Variants in HIBADH observed in about 807,000 individuals in gnomAD.
The protein encoded by HIBADH is 3-hydroxyisobutyrate dehydrogenase, mitochondrial.
HIBADH carries 25 observed loss-of-function variants against 36.1 expected under a neutral mutation model. The observed-to-expected ratio is 0.69, with a 90% confidence interval of 0.50 to 0.97. The LOEUF (loss-of-function observed/expected upper bound fraction) is 0.97, where lower values mean the gene tolerates loss of function less well. Among genes scored for constraint, HIBADH ranks in the 50% least tolerant of loss-of-function variants. The pLI, the probability that HIBADH is intolerant of heterozygous loss-of-function variation, is 0.00. For synonymous variants in HIBADH, 160 were observed against 149.5 expected (o/e 1.07, Z -0.51); for missense variants, 421 against 418.0 (o/e 1.01, Z -0.06).
chr7:27,532,895 G>T (rs1053202918), intron 6 of HIBADH, among the ~76,000 whole-genome samples: 4 of 152,182 alleles, frequency 2.6e-5, no homozygotes, highest in Non-Finnish European at 5.9e-5. Context: ...AAAAGATAAA[G>T]CCAGTGTGCT....
chr7:27,536,328 AATT>A (rs1784069574), intron 6 of HIBADH, among the ~76,000 whole-genome samples: 1 of 152,072 alleles, frequency 6.6e-6, no homozygotes, highest in Non-Finnish European at 1.5e-5. Flanking sequence ...GAAACTTATA[AATT>A]ATTTTTAACA....
At chr7:27,654,405 G>A (rs1786256222) in intron 1 of HIBADH, among the ~76,000 whole-genome samples, 1 of 151,844 alleles carries the variant, frequency 6.6e-6, no homozygotes, top group Admixed American at 6.6e-5. Flanking sequence ...CCCAATACAA[G>A]AAACATGAAG....
At chr7:27,580,796 C>A (rs1524529) in intron 4 of HIBADH, among the ~76,000 whole-genome samples, 13 of 152,038 alleles carry the variant, frequency 8.6e-5, no homozygotes, top group South Asian at 2.1e-4. Context: ...TCTCAACTAC[C>A]TATTAAGGAA....
intron 4 of HIBADH, among the ~76,000 whole-genome samples, chr7:27,548,484 T>C (rs1310536502): frequency 6.6e-6 from 1 of 152,138 alleles, no homozygotes; most frequent in Non-Finnish European, 1.5e-5. Context: ...TTAGAGGGCA[T>C]ACAGTTGTAC....
chr7:27,566,040 C>G (rs1472335654), intron 4 of HIBADH, among the ~76,000 whole-genome samples: 1 of 151,970 alleles, frequency 6.6e-6, no homozygotes, highest in Admixed American at 6.6e-5. Context: ...CTGTATTGTT[C>G]TTTTTATGTA....
At chr7:27,553,952 G>C (rs757302477) in intron 4 of HIBADH, among the ~76,000 whole-genome samples, 1 of 152,124 alleles carries the variant, frequency 6.6e-6, no homozygotes, top group Non-Finnish European at 1.5e-5. Flanking sequence ...GCATTCAAGC[G>C]ATTCTCCTGC....
At chr7:27,599,344 C>T (rs77412787) in intron 4 of HIBADH, among the ~76,000 whole-genome samples, 20,972 of 152,020 alleles carry the variant, frequency 0.14, 1,712 homozygotes, top group Middle Eastern at 0.19. Flanking sequence ...ATTTCCCTTC[C>T]CAAACTTTGT....
chr7:27,560,581 TC>T (rs1332074507), intron 4 of HIBADH, among the ~76,000 whole-genome samples: 1 of 152,224 alleles, frequency 6.6e-6, no homozygotes, highest in East Asian at 1.9e-4. Context: ...CGTTGTTTCT[TC>T]TTTTATTGTT....
intron 4 of HIBADH, among the ~76,000 whole-genome samples, chr7:27,601,072 T>G (rs6651068): frequency 6.6e-6 from 1 of 152,142 alleles, no homozygotes; most frequent in Non-Finnish European, 1.5e-5. Flanking sequence ...AACATCAGAT[T>G]TTCTTACAGC....
chr7:27,571,769 T>C (rs561387960), intron 4 of HIBADH, among the ~76,000 whole-genome samples: 119 of 152,302 alleles, frequency 7.8e-4, no homozygotes, highest in African/African-American at 2.7e-3. Context: ...TATTCTTCTA[T>C]GGATGACAAG....
At chr7:27,616,871 C>T (rs1471650336) in intron 4 of HIBADH, among the ~76,000 whole-genome samples, 1 of 151,976 alleles carries the variant, frequency 6.6e-6, no homozygotes, top group Admixed American at 6.6e-5. Flanking sequence ...TATTTTTGTA[C>T]AGCTGTATAA....
rs188668552 is a variant in HIBADH, at chr7:27,568,673, G to C, written c.485-25573C>G. Among the ~76,000 whole-genome samples the C allele has an allele frequency of 5.3e-5, 8 of 152,096 alleles. No individual in the cohort carries two copies. The East Asian group carries it at 1.5e-3, about 29-fold the overall frequency. On this transcript the variant is annotated intron_variant, in intron 4 of 7. Coordinates refer to ENST00000265395, the MANE Select transcript of HIBADH (RefSeq NM_152740.4). Reference sequence around the variant, plus strand: ...TTTAATAGTGACAGGGTTTCACCACGTTGGCCAGGCTGGTCTCAAACTCCT... The same window carrying C: ...TTTAATAGTGACAGGGTTTCACCACCTTGGCCAGGCTGGTCTCAAACTCCT...
intron 1 of HIBADH, among the ~76,000 whole-genome samples, chr7:27,653,935 A>G (rs958596587): frequency 6.6e-6 from 1 of 152,212 alleles, no homozygotes; most frequent in African/African-American, 2.4e-5. Context: ...TCAAAAGTCA[A>G]AAAGTCAAAA....
intron 4 of HIBADH, among the ~76,000 whole-genome samples, chr7:27,603,202 C>G (rs959065687): frequency 6.6e-6 from 1 of 152,080 alleles, no homozygotes; most frequent in Non-Finnish European, 1.5e-5. Context: ...CAGTTAATAT[C>G]TCTTCTTTTT....
In HIBADH at chr7:27,559,886, A is replaced by G. The variant is rs1486640316; in HGVS notation, c.485-16786T>C. Among the ~76,000 whole-genome samples, 3 of 152,364 alleles carry G rather than the reference A, an allele frequency of 2.0e-5. No individual in the cohort carries two copies. The East Asian group carries it at 5.8e-4, about 29-fold the overall frequency. ...TGATCTGTCAAATGCTGAGAGAACT[A>G]TTATAAATGTCCAATATAACTGTAG... is the stretch of plus-strand genomic sequence containing the variant. On this transcript the variant is annotated intron_variant, in intron 4 of 7. Coordinates refer to ENST00000265395, the MANE Select transcript of HIBADH (RefSeq NM_152740.4).
intron 4 of HIBADH, among the ~76,000 whole-genome samples, chr7:27,568,253 C>T (rs1784577601): frequency 6.6e-6 from 1 of 151,930 alleles, no homozygotes; most frequent in Non-Finnish European, 1.5e-5. Context: ...CTGAGTTTTC[C>T]TTTACCTGTG....
Position 27,557,262 on chromosome 7 carries a change from G to C in HIBADH, c.485-14162C>G, listed in dbSNP as rs1028675605. 7.2e-5 allele frequency among the ~76,000 whole-genome samples: 11 copies of C among 151,758 alleles called. No homozygotes were observed. The East Asian group carries it at 1.2e-3, about 16-fold the overall frequency. Reference sequence around the variant, plus strand: ...ATTTATATATTATCTCAAGAGAATGGACATGTTTACATGCTTTTCCAAGCA... The same window carrying C: ...ATTTATATATTATCTCAAGAGAATGCACATGTTTACATGCTTTTCCAAGCA... On this transcript the variant is annotated intron_variant, in intron 4 of 7. Coordinates refer to ENST00000265395, the MANE Select transcript of HIBADH (RefSeq NM_152740.4).
intron 4 of HIBADH, among the ~76,000 whole-genome samples, chr7:27,601,556 G>A (rs1562638569): frequency 1.3e-5 from 2 of 151,968 alleles, no homozygotes. Context: ...TCAATTTTGG[G>A]TATTTAAAAA....
intron 6 of HIBADH, among the ~76,000 whole-genome samples, chr7:27,535,038 TAATAGTC>T (rs1327082372): frequency 3.4e-5 from 5 of 147,860 alleles, no homozygotes; most frequent in East Asian, 2.1e-4. Flanking sequence ...GTGGTAAACT[TAATAGTC>T]AACAACTAGC....
Sources: gnomAD v4.1 joint callset for allele counts (sites outside exome capture counted in the v4.1 genomes callset) on GRCh38, gnomAD v4.1.1 for gene constraint, MANE v1.5 for transcripts, NCBI Gene and HGNC (gene_info 2026-07-23, HGNC 2026-07-21) for gene names.